The following NEK3 variants were observed in gnomAD, a reference collection of about 807,000 sequenced individuals.
NEK3 encodes the protein serine/threonine-protein kinase Nek3.
Under a neutral mutation model 66.0 loss-of-function variants are expected in NEK3, and 54 were observed. The observed-to-expected ratio is 0.82, with a 90% CI of 0.66 to 1.03. The LOEUF is 1.03. NEK3 is among the 50% of genes least tolerant of loss of function. NEK3 has a pLI of 0.00. For missense variants in NEK3, 593 were observed against 603.0 expected (o/e 0.98, Z 0.17); for synonymous variants, 200 against 206.2 (o/e 0.97, Z 0.26).
At chr13:52,144,523 T>C (rs764254667) in intron 9 of NEK3, among the ~76,000 whole-genome samples, 168 bp downstream of exon 9, 2 of 152,186 alleles carry the variant, frequency 1.3e-5, no homozygotes, top group Non-Finnish European at 2.9e-5. Flanking sequence ...GGGAATAGCA[T>C]TGTGGGCGGG....
chr13:52,136,338 A>T, intron 12 of NEK3, 79 bp from the exon 13 acceptor site: 3 of 1,349,538 alleles, frequency 2.2e-6, no homozygotes, highest in Non-Finnish European at 3.1e-6. Flanking sequence ...GACTCTAACA[A>T]ATATGGAAGT....
At chr13:52,146,775 T>C (rs1956298931) in intron 8 of NEK3, among the ~76,000 whole-genome samples, 1 of 152,190 alleles carries the variant, frequency 6.6e-6, no homozygotes, top group African/African-American at 2.4e-5. Context: ...GTAGCTATCA[T>C]TATAAACCAC....
intron 8 of NEK3, among the ~76,000 whole-genome samples, chr13:52,147,544 G>C (rs1956304587): frequency 6.6e-6 from 1 of 152,186 alleles, no homozygotes. Context: ...TATAATTCCA[G>C]TTGTATGAAA....
At chr13:52,139,945 T>C (rs577641217) in intron 11 of NEK3, among the ~76,000 whole-genome samples, 1 of 148,302 alleles carries the variant, frequency 6.7e-6, no homozygotes, top group African/African-American at 2.5e-5. Context: ...CTCACACCTA[T>C]AATCCCAGCA....
intron 2 of NEK3, 133 bp from the exon 3 acceptor site, chr13:52,154,306 G>C: frequency 1.8e-6 from 1 of 550,964 alleles, no homozygotes; most frequent in Non-Finnish European, 3.1e-6. Context: ...ACTTAAGTTT[G>C]TCAAATGACA....
intron 4 of NEK3, among the ~76,000 whole-genome samples, chr13:52,153,044 T>C (rs921934394): frequency 6.6e-6 from 1 of 152,194 alleles, no homozygotes; most frequent in African/African-American, 2.4e-5. Context: ...AGTGTAATCA[T>C]TATGTTGGAT....
At chr13:52,152,570 G>T in intron 5 of NEK3, 39 bp downstream of exon 5, 1 of 1,296,096 alleles carries the variant, frequency 7.7e-7, no homozygotes, top group South Asian at 1.3e-5. Flanking sequence ...CTGAATTAAG[G>T]ACTTTTTTTT....
intron 10 of NEK3, 111 bp from the exon 11 acceptor site, chr13:52,141,180 C>A: frequency 1.2e-6 from 1 of 844,564 alleles, no homozygotes; most frequent in Non-Finnish European, 1.8e-6. Flanking sequence ...TTATTAAAGT[C>A]AAAGAGCCAA....
Position 52,133,237 on chromosome 13 carries a change from A to G in NEK3, c.1437-11T>C. 1 of 1,594,028 alleles carries G rather than the reference A, an allele frequency of 6.3e-7. No homozygotes were observed. The highest frequency in any genetic ancestry group is 1.1e-5 in the South Asian group (1 of 87,626). On this transcript the variant is annotated splice_polypyrimidine_tract_variant and intron_variant, in intron 15 of 15. Transcript: ENST00000610828. ...TCCTCCTCAAAGTCCCTGTGAAAAA[A>G]CAATTTGGACCATAAACCTCTACAT... is the stretch of plus-strand genomic sequence containing the variant.
rs976141978 is a variant in NEK3, at chr13:52,135,844, G to T, written c.1194C>A (p.Tyr398Ter). The T allele has an allele frequency of 1.9e-6, 3 of 1,612,114 alleles. No homozygotes were observed. Among genetic ancestry groups the T allele is most frequent in the South Asian group, 1.1e-5 (1 of 90,474 alleles). The change falls in exon 14 of 16, where the codon TAC (tyrosine) becomes TAA (stop). Residue 398 changes from tyrosine to a stop codon, truncating the protein, a stop_gained. Transcript: ENST00000610828. LOFTEE classifies it high-confidence loss of function. ...ACTGCTTACGAGTAGTATTTTTGCT[G>T]TACTTTATTACAGAACCACCTAGTT... Reference protein sequence around the residue: ...EDDRGGSVIKYSKNTTRKQWL... With the variant: ...EDDRGGSVIK
chr13:52,139,262 C>A (rs1043490101), intron 11 of NEK3, among the ~76,000 whole-genome samples: 1 of 152,150 alleles, frequency 6.6e-6, no homozygotes, highest in Non-Finnish European at 1.5e-5. Flanking sequence ...CACAGAAGAA[C>A]TTAAAAACAT....
Position 52,153,996 on chromosome 13 carries a change from A to C in NEK3, c.212-4T>G. On this transcript the variant is annotated splice_polypyrimidine_tract_variant and splice_region_variant and intron_variant, in intron 3 of 15. Coordinates refer to ENST00000610828, the MANE Select transcript of NEK3 (RefSeq NM_002498.3). ...ACAATATACAAGTGTCCTTCAGCTA[A>C]AACAGATATAAGCTCTTTAGAAAAG... 1.2e-6 allele frequency: 2 copies of C among 1,610,670 alleles called. No homozygotes were observed. Among genetic ancestry groups the C allele is most frequent in the Non-Finnish European group, 1.7e-6 (2 of 1,177,132 alleles).
At chr13:52,142,544 G>A (rs904408276) in intron 10 of NEK3, among the ~76,000 whole-genome samples, 1 of 152,190 alleles carries the variant, frequency 6.6e-6, no homozygotes, top group Non-Finnish European at 1.5e-5. Flanking sequence ...CCTAAGTGCT[G>A]GGATTACAGG....
rs559180182 is a variant in NEK3 at position 52,133,758 on chromosome 13, A to T, written c.1367T>A (p.Val456Asp). Reference protein sequence around the residue: ...LSEETEASDSVDGGHDSVILD... With the variant: ...LSEETEASDSDDGGHDSVILD... Reference sequence around the variant, plus strand: ...AATGACAGAATCGTGACCTCCATCAACACTGTCCGATGCTTCTGTTTCTTC... The same window carrying T: ...AATGACAGAATCGTGACCTCCATCATCACTGTCCGATGCTTCTGTTTCTTC... Residue 456 changes from valine (V) to aspartate (D), a missense_variant, in exon 15 of 16, where the codon GTT (valine) becomes GAT (aspartate). Physicochemically the swap from Val to Asp is radical, Grantham distance 152. Transcript: ENST00000610828. The T allele has an allele frequency of 1.3e-6, 2 of 1,589,104 alleles. No individual in the cohort carries two copies. The highest frequency in any genetic ancestry group is 1.7e-6 in the Non-Finnish European group (2 of 1,166,604).
At chr13:52,145,074 G>T (rs1022888488) in intron 8 of NEK3, among the ~76,000 whole-genome samples, 183 bp from the exon 9 acceptor site, 35 of 152,238 alleles carry the variant, frequency 2.3e-4, no homozygotes, top group Admixed American at 1.8e-3. Flanking sequence ...AGTTAAACAT[G>T]AATGATAAAA....
intron 1 of NEK3, 35 bp from the exon 2 acceptor site, chr13:52,156,283 T>C (rs566972313): frequency 1.2e-6 from 1 of 805,742 alleles, no homozygotes. Flanking sequence ...GAGAATTAAA[T>C]GTACTTTCAA....
At chr13:52,138,765 A>G (rs1956225127) in intron 11 of NEK3, among the ~76,000 whole-genome samples, 1 of 152,098 alleles carries the variant, frequency 6.6e-6, no homozygotes, top group African/African-American at 2.4e-5. Context: ...CCTCATCTCT[A>G]TAAAAAAGTT....
rs1466721515 is a variant in NEK3 at position 52,148,479 on chromosome 13, T to C, written c.549-10A>G. ...CAAGGACCAGATGTCACTGAAAGCA[T>C]AAAGAAGCAATGTAATCACAAGCAG... On this transcript the variant is annotated splice_polypyrimidine_tract_variant and intron_variant, in intron 7 of 15. Coordinates refer to ENST00000610828, the MANE Select transcript of NEK3 (RefSeq NM_002498.3). The C allele has an allele frequency of 1.2e-6, 2 of 1,612,868 alleles. No individual in the cohort carries two copies. Among genetic ancestry groups the C allele is most frequent in the Admixed American group, 1.7e-5 (1 of 59,920 alleles).
intron 2 of NEK3, among the ~76,000 whole-genome samples, chr13:52,154,454 C>A (rs562975179): frequency 2.0e-5 from 3 of 151,842 alleles, no homozygotes; most frequent in African/African-American, 4.8e-5. Flanking sequence ...CTAAGTATCA[C>A]CTGACTTAGA....
Sources: allele counts gnomAD v4.1 joint callset (sites outside exome capture counted in the v4.1 genomes callset), GRCh38; gene constraint gnomAD v4.1.1; transcripts MANE v1.5; gene names NCBI Gene and HGNC (gene_info 2026-07-23, HGNC 2026-07-21).